The following TPH2 variants were observed in gnomAD, a reference collection of about 807,000 sequenced individuals.
The protein encoded by TPH2 is tryptophan 5-hydroxylase 2.
In TPH2, 27 loss-of-function variants were observed where a neutral mutation model predicts 59.1. That is an observed-to-expected ratio of 0.46 (90% CI 0.34 to 0.63). TPH2 has a LOEUF of 0.63. Among genes scored for constraint, TPH2 ranks in the 30% least tolerant of loss-of-function variants. The probability of loss-of-function intolerance (pLI) is 0.01; values close to 1 mark genes in which losing one functional copy is unlikely to be tolerated. For synonymous variants in TPH2, 220 were observed against 210.5 expected, an observed-to-expected ratio of 1.05 and a Z score of -0.39; for missense variants, 523 against 588.3, an observed-to-expected ratio of 0.89 and a Z score of 1.15.
intron 8 of TPH2, among the ~76,000 whole-genome samples, chr12:72,011,824 C>T (rs1336212483): frequency 6.6e-6 from 1 of 152,186 alleles, no homozygotes; most frequent in Non-Finnish European, 1.5e-5. Context: ...TGTCTTAGGG[C>T]CTGACTGTGG....
intron 5 of TPH2, among the ~76,000 whole-genome samples, chr12:71,959,568 A>G (rs1254575398): frequency 6.6e-6 from 1 of 152,224 alleles, no homozygotes; most frequent in Non-Finnish European, 1.5e-5. Context: ...CCACCTTTCC[A>G]GAAATTTCAG....
chr12:72,002,518 G>T (rs1419518385), intron 8 of TPH2, among the ~76,000 whole-genome samples: 1 of 152,228 alleles, frequency 6.6e-6, no homozygotes, highest in African/African-American at 2.4e-5. Flanking sequence ...TAAACATTTA[G>T]ATACTGATTG....
In TPH2 at chr12:72,031,607, G is replaced by A. The variant is rs757400375; in HGVS notation, c.1385G>A (p.Ser462Asn). The A allele has an allele frequency of 4.3e-6, 7 of 1,613,662 alleles. No individual in the cohort carries two copies. In the South Asian group the frequency reaches 6.6e-5, roughly 15 times the overall value. ...QSIEILKDTR[S>N]IENVVQDLRS... ...ATTGAAATTCTGAAAGACACCAGAAGTATTGAAAATGTGGTGCAGGACCTT... is the reference window on the plus strand; with the variant it reads ...ATTGAAATTCTGAAAGACACCAGAAATATTGAAAATGTGGTGCAGGACCTT... The change falls in exon 11 of 11, where the codon AGT becomes AAT. Residue 462 changes from serine to asparagine, a missense_variant. Coordinates refer to ENST00000333850, the MANE Select transcript of TPH2 (RefSeq NM_173353.4).
intron 8 of TPH2, among the ~76,000 whole-genome samples, chr12:72,021,606 G>A (rs1168591973): frequency 7.9e-5 from 12 of 152,092 alleles, no homozygotes; most frequent in Admixed American, 7.9e-4. Flanking sequence ...TAAGTGTTCT[G>A]AGCACTGTTA....
At chr12:71,967,763 G>A (rs1871858745) in intron 5 of TPH2, among the ~76,000 whole-genome samples, 2 of 152,156 alleles carry the variant, frequency 1.3e-5, no homozygotes, top group South Asian at 4.1e-4. Context: ...ACTGTATTGA[G>A]TTGAATTCTA....
intron 5 of TPH2, among the ~76,000 whole-genome samples, chr12:71,953,006 C>T (rs1871392698): frequency 6.6e-6 from 1 of 152,158 alleles, no homozygotes; most frequent in Non-Finnish European, 1.5e-5. Flanking sequence ...ATGCCATTTA[C>T]AAATAATGTA....
intron 8 of TPH2, among the ~76,000 whole-genome samples, chr12:72,010,362 C>T (rs1263130823): frequency 6.6e-6 from 1 of 152,154 alleles, no homozygotes. Context: ...CTAAAAGACC[C>T]TCAATGTGAC....
intron 2 of TPH2, among the ~76,000 whole-genome samples, chr12:71,942,651 G>A (rs1320301099): frequency 6.6e-6 from 1 of 152,178 alleles, no homozygotes; most frequent in Non-Finnish European, 1.5e-5. Context: ...TAACAGGATT[G>A]CTGGGACGAC....
chr12:71,961,669 G>C, intron 5 of TPH2: 1 of 1,351,738 alleles, frequency 7.4e-7, no homozygotes, highest in Non-Finnish European at 9.8e-7. Context: ...ATGGATGTTA[G>C]ATCCATTGTT....
chr12:72,023,101 G>C (rs533452765), intron 9 of TPH2, among the ~76,000 whole-genome samples: 1 of 151,992 alleles, frequency 6.6e-6, no homozygotes, highest in East Asian at 1.9e-4. Context: ...TTTTTTTCCA[G>C]AAATGTTGAG....
chr12:71,954,379 A>G (rs905779038), intron 5 of TPH2, among the ~76,000 whole-genome samples: 5 of 152,202 alleles, frequency 3.3e-5, no homozygotes, highest in Admixed American at 6.6e-5. Flanking sequence ...AGATCTGAGA[A>G]TGAACGCCCT....
intron 5 of TPH2, among the ~76,000 whole-genome samples, chr12:71,956,335 A>T (rs896625488): frequency 2.0e-5 from 3 of 152,166 alleles, no homozygotes; most frequent in Non-Finnish European, 4.4e-5. Context: ...CATGAATATC[A>T]GGAGTCAGGG....
chr12:72,006,207 G>C (rs1367848781), intron 8 of TPH2, among the ~76,000 whole-genome samples: 2 of 152,146 alleles, frequency 1.3e-5, no homozygotes, highest in Admixed American at 1.3e-4. Context: ...TTACTGGCTG[G>C]ATGAGGTTAA....
rs771657319 is a variant in TPH2 at position 71,972,620 on chromosome 12, G to A, written c.710G>A (p.Arg237Gln). 3.2e-5 allele frequency: 51 copies of A among 1,613,994 alleles called. No individual in the cohort carries two copies. The East Asian group carries it at 4.7e-4, about 15-fold the overall frequency. The change falls in exon 6 of 11, where the codon CGA (arginine) becomes CAA (glutamine). Residue 237 changes from arginine (R) to glutamine (Q), a missense_variant. Transcript: ENST00000333850. ...AAACTCTATCCCACTCATGCTTGCC[G>A]AGAGTATTTGAAAAACTTCCCTCTG... ...LSKLYPTHAC[R>Q]EYLKNFPLLT...
intron 2 of TPH2, among the ~76,000 whole-genome samples, chr12:71,942,199 A>G (rs1027566408): frequency 2.6e-5 from 4 of 152,198 alleles, no homozygotes; most frequent in African/African-American, 9.6e-5. Flanking sequence ...GTCTTAATGT[A>G]TCTTTTTGCG....
chr12:72,007,827 T>G (rs552331161), intron 8 of TPH2, among the ~76,000 whole-genome samples: 6 of 151,988 alleles, frequency 3.9e-5, no homozygotes, highest in Non-Finnish European at 8.8e-5. Context: ...AAGCCAACGG[T>G]ATAATAGGCA....
At chr12:71,983,497 C>A (rs564500378) in intron 7 of TPH2, among the ~76,000 whole-genome samples, 11 of 152,060 alleles carry the variant, frequency 7.2e-5, no homozygotes, top group African/African-American at 2.7e-4. Flanking sequence ...ATGTGAGCGT[C>A]GCCTGGCATG....
In TPH2 at chr12:72,031,684, C is replaced by A. The variant is rs777244923; in HGVS notation, c.1462C>A (p.Leu488Met). Reference protein sequence around the residue: ...CDALNKMNQYLGI With the variant: ...CDALNKMNQYMGI ...TGCTTTAAACAAAATGAACCAATATCTGGGGATTTGATGCCTGGAACTATG... is the reference window on the plus strand; with the variant it reads ...TGCTTTAAACAAAATGAACCAATATATGGGGATTTGATGCCTGGAACTATG... The change falls in exon 11 of 11, where the codon CTG becomes ATG. Residue 488 changes from leucine (L) to methionine (M), a missense_variant. Leu to Met is a conservative substitution (Grantham distance 15). Transcript: ENST00000333850. 2.4e-5 allele frequency: 38 copies of A among 1,613,284 alleles called. No homozygotes were observed. The highest frequency in any genetic ancestry group is 3.1e-5 in the Non-Finnish European group (37 of 1,179,404).
intron 4 of TPH2, among the ~76,000 whole-genome samples, chr12:71,946,630 T>G (rs1340850647): frequency 6.6e-6 from 1 of 152,230 alleles, no homozygotes; most frequent in Non-Finnish European, 1.5e-5. Context: ...GAATGTGATA[T>G]TGGCAAATTG....
Sources: gnomAD v4.1 joint callset for allele counts (sites outside exome capture counted in the v4.1 genomes callset) on GRCh38, gnomAD v4.1.1 for gene constraint, MANE v1.5 for transcripts, NCBI Gene and HGNC (gene_info 2026-07-23, HGNC 2026-07-21) for gene names.